The following TNNI3K variants were observed in gnomAD, a reference collection of about 807,000 sequenced individuals.
TNNI3K encodes serine/threonine-protein kinase TNNI3K.
TNNI3K carries 140 observed loss-of-function variants against 114.5 expected under a neutral mutation model. That is an observed-to-expected ratio of 1.22 (90% CI 1.07 to 1.41). TNNI3K has a LOEUF of 1.41. Ranked by LOEUF, TNNI3K falls within the 40% of genes most tolerant of loss-of-function variation. The pLI is 0.00. For missense variants in TNNI3K, 1,125 were observed against 1,007.6 expected, an observed-to-expected ratio of 1.12 and a Z score of -1.58; for synonymous variants, 347 against 347.5, an observed-to-expected ratio of 1.00 and a Z score of 0.02.
In TNNI3K at chr1:74,533,244, G is replaced by C. The variant is rs577821101; in HGVS notation, c.2352-6990G>C. Reference sequence around the variant, plus strand: ...AAAACAAACATCCCCATCAAAAAGTGGGCAAAGGACATGAACAGACACTTC... The same window carrying C: ...AAAACAAACATCCCCATCAAAAAGTCGGCAAAGGACATGAACAGACACTTC... On this transcript the variant is annotated intron_variant, in intron 23 of 24. Coordinates refer to ENST00000326637, the MANE Select transcript of TNNI3K (RefSeq NM_015978.3). Among the ~76,000 whole-genome samples, 607 of 152,254 alleles carry C rather than the reference G, an allele frequency of 4.0e-3. 5 individuals are homozygous for C. The highest frequency in any genetic ancestry group is 0.014 in the African/African-American group (574 of 41,540).
intron 5 of TNNI3K, among the ~76,000 whole-genome samples, chr1:74,272,424 G>A (rs911546593): frequency 2.0e-5 from 3 of 152,020 alleles, no homozygotes; most frequent in Middle Eastern, 3.4e-3. Flanking sequence ...ATCTCTGAAA[G>A]GAGGTCATAT....
chr1:74,445,653 C>G (rs1173829661), intron 20 of TNNI3K, among the ~76,000 whole-genome samples: 2 of 147,756 alleles, frequency 1.4e-5, no homozygotes, highest in African/African-American at 5.1e-5. Flanking sequence ...CTCTGTCGCC[C>G]AGGCTGGAGT....
intron 17 of TNNI3K, among the ~76,000 whole-genome samples, chr1:74,394,064 G>A (rs955434962): frequency 6.6e-6 from 1 of 152,178 alleles, no homozygotes; most frequent in Admixed American, 6.5e-5. Context: ...ACTTGTATTA[G>A]GGTAAACCGT....
chr1:74,376,343 A>G (rs1468444005), intron 17 of TNNI3K, among the ~76,000 whole-genome samples: 4 of 151,968 alleles, frequency 2.6e-5, no homozygotes, highest in Non-Finnish European at 4.4e-5. Flanking sequence ...CTCAAATTCC[A>G]TGTATTATAG....
intron 13 of TNNI3K, 73 bp downstream of exon 13, chr1:74,368,037 TTTG>T: frequency 7.1e-7 from 1 of 1,400,422 alleles, no homozygotes; most frequent in Non-Finnish European, 9.6e-7. Context: ...AATTTTCAAT[TTTG>T]TTTTACATAT....
chr1:74,356,361 CG>C (rs1661656293), intron 11 of TNNI3K, among the ~76,000 whole-genome samples: 1 of 152,038 alleles, frequency 6.6e-6, no homozygotes. Context: ...ATATGTCTTT[CG>C]TTGAATATAT....
intron 4 of TNNI3K, among the ~76,000 whole-genome samples, chr1:74,254,355 G>A (rs967841382): frequency 2.0e-5 from 3 of 152,064 alleles, no homozygotes; most frequent in Admixed American, 1.3e-4. Flanking sequence ...TTTATCAATT[G>A]TCCCAATTGT....
chr1:74,259,013 A>T (rs548020133), intron 4 of TNNI3K, among the ~76,000 whole-genome samples: 1 of 152,348 alleles, frequency 6.6e-6, no homozygotes, highest in Non-Finnish European at 1.5e-5. Flanking sequence ...GATCAGTAGC[A>T]TCCACCCCAA....
intron 10 of TNNI3K, among the ~76,000 whole-genome samples, chr1:74,353,591 T>C (rs1024061493): frequency 7.3e-5 from 11 of 150,820 alleles, no homozygotes; most frequent in African/African-American, 2.7e-4. Flanking sequence ...CATCCTCTTA[T>C]GGCCAGCACT....
rs1662472017 is a variant in TNNI3K at position 74,369,409 on chromosome 1, C to T, written c.1491C>T (p.Tyr497=). Residue 497 remains tyrosine, a synonymous_variant, in exon 16 of 25, where the codon TAC becomes TAT. Coordinates refer to ENST00000326637, the MANE Select transcript of TNNI3K (RefSeq NM_015978.3). ...VAIKRYRANT[Y]CSKSDVDMFC... ...TTTCCAGTTATCGAGCCAATACCTA[C>T]TGCTCCAAGTCAGATGTGGATATGT... The T allele has an allele frequency of 1.2e-6, 2 of 1,610,890 alleles. No individual in the cohort carries two copies. Among genetic ancestry groups the T allele is most frequent in the East Asian group, 2.2e-5 (1 of 44,822 alleles).
chr1:74,465,308 G>A (rs570896476), intron 21 of TNNI3K, among the ~76,000 whole-genome samples: 3 of 152,208 alleles, frequency 2.0e-5, no homozygotes, highest in Non-Finnish European at 4.4e-5. Flanking sequence ...ACCAGCTGGC[G>A]CTCGGGTGCC....
At chr1:74,257,909 C>T (rs909452742) in intron 4 of TNNI3K, among the ~76,000 whole-genome samples, 2 of 152,062 alleles carry the variant, frequency 1.3e-5, no homozygotes, top group Middle Eastern at 3.4e-3. Context: ...CCTTGTGATC[C>T]GCCCACCTCG....
chr1:74,286,358 C>T (rs1657334299), intron 5 of TNNI3K, among the ~76,000 whole-genome samples: 1 of 152,082 alleles, frequency 6.6e-6, no homozygotes, highest in South Asian at 2.1e-4. Context: ...CCTCAGGCCT[C>T]AGGCTCATTC....
chr1:74,369,279 G>T lies in TNNI3K; in HGVS notation c.1472+15G>T, dbSNP rs201062456. On this transcript the variant is annotated intron_variant, in intron 15 of 24. Transcript: ENST00000326637. ...GCTATAAAACGGTAAGCAAGCAAAT[G>T]AAAAAATTTAACATCCAGGTGGAAT... 9.3e-6 allele frequency: 15 copies of T among 1,611,386 alleles called. No homozygotes were observed. Among genetic ancestry groups the T allele is most frequent in the Non-Finnish European group, 1.2e-5 (14 of 1,178,832 alleles).
intron 6 of TNNI3K, among the ~76,000 whole-genome samples, chr1:74,331,969 A>G (rs1660226880): frequency 6.6e-6 from 1 of 152,196 alleles, no homozygotes; most frequent in Non-Finnish European, 1.5e-5. Context: ...CAGTAAATAT[A>G]GCTGTGATGA....
intron 9 of TNNI3K, among the ~76,000 whole-genome samples, chr1:74,350,163 T>C (rs1412848570): frequency 2.0e-5 from 3 of 152,226 alleles, no homozygotes; most frequent in Admixed American, 6.5e-5. Context: ...GAGATTCTGG[T>C]ATGTTGTGTC....
intron 5 of TNNI3K, among the ~76,000 whole-genome samples, chr1:74,273,994 T>C (rs578134272): frequency 6.6e-6 from 1 of 152,098 alleles, no homozygotes; most frequent in African/African-American, 2.4e-5. Flanking sequence ...ATGTGGGAGT[T>C]AGGAGCACTG....
intron 17 of TNNI3K, among the ~76,000 whole-genome samples, chr1:74,385,374 A>G (rs1357147836): frequency 6.6e-6 from 1 of 152,182 alleles, no homozygotes; most frequent in South Asian, 2.1e-4. Flanking sequence ...AAGTAGATGT[A>G]GTTCTTCCTT....
chr1:74,370,307 A>G lies in TNNI3K; in HGVS notation c.1687A>G (p.Lys563Glu), dbSNP rs751267733. 7 of 1,598,920 alleles carry G rather than the reference A, an allele frequency of 4.4e-6. No homozygotes were observed. The East Asian group carries it at 1.6e-4, about 36-fold the overall frequency. The change falls in exon 17 of 25, where the codon AAA becomes GAA. Residue 563 changes from lysine to glutamate, a missense_variant. Transcript: ENST00000326637. ...TTCTAGGATTCTTGATTTGCAGTCTAAATTAATTATTGCAGTAGATGTTGC... is the reference window on the plus strand; with the variant it reads ...TTCTAGGATTCTTGATTTGCAGTCTGAATTAATTATTGCAGTAGATGTTGC... ...EQKRILDLQS[K>E]LIIAVDVAKG...
Sources: allele counts gnomAD v4.1 joint callset (sites outside exome capture counted in the v4.1 genomes callset), GRCh38; gene constraint gnomAD v4.1.1; transcripts MANE v1.5; gene names NCBI Gene and HGNC (gene_info 2026-07-23, HGNC 2026-07-21).